The following USP47 variants were observed in gnomAD, a reference collection of about 807,000 sequenced individuals.
USP47 encodes ubiquitin specific peptidase 47.
A neutral mutation model predicts 165.1 loss-of-function variants in USP47; 35 were observed. The ratio of observed to expected loss-of-function variants is 0.21; its 90% CI spans 0.16 to 0.28. USP47 has a LOEUF of 0.28. USP47 is among the 10% of genes least tolerant of loss of function. The pLI, the probability that USP47 is intolerant of heterozygous loss-of-function variation, is 1.00. For synonymous variants in USP47, 531 were observed against 544.5 expected (o/e 0.98, Z 0.35); for missense variants, 1,277 against 1,607.4 (o/e 0.79, Z 3.52).
At chr11:11,911,917 A>T (rs933492955) in intron 8 of USP47, among the ~76,000 whole-genome samples, 4 of 152,114 alleles carry the variant, frequency 2.6e-5, no homozygotes, top group African/African-American at 9.7e-5. Context: ...CAACAGTGGA[A>T]TCAGATTAGC....
chr11:11,946,673 A>G (rs926526579), intron 20 of USP47, among the ~76,000 whole-genome samples: 19 of 152,336 alleles, frequency 1.2e-4, no homozygotes, highest in Non-Finnish European at 2.5e-4. Flanking sequence ...GTTGGATAGC[A>G]TAGACAGAAG....
At chr11:11,954,088 A>G (rs1856401577) in intron 25 of USP47, among the ~76,000 whole-genome samples, 2 of 151,962 alleles carry the variant, frequency 1.3e-5, no homozygotes, top group South Asian at 4.1e-4. Context: ...TGTGTCTACT[A>G]AAAATACAAA....
intron 10 of USP47, among the ~76,000 whole-genome samples, chr11:11,921,769 A>T (rs552550463): frequency 1.3e-5 from 2 of 151,898 alleles, no homozygotes; most frequent in South Asian, 4.1e-4. Context: ...GAAACTTCCT[A>T]GAGAATTCTA....
intron 10 of USP47, among the ~76,000 whole-genome samples, chr11:11,922,495 T>A (rs1174085219): frequency 6.6e-6 from 1 of 151,968 alleles, no homozygotes; most frequent in African/African-American, 2.4e-5. Flanking sequence ...ACTAATTTGT[T>A]GTATTAGAAT....
rs556014632 is a variant in USP47 at position 11,876,183 on chromosome 11, G to GT, written c.40-3989dup. ...ATAGCGCATCTAAACTACATTAAAT[G>GT]TTTTTCTAAATGGAACATGCTGTAG... On this transcript the variant is annotated intron_variant, in intron 1 of 27. Transcript: ENST00000527733. 8.5e-5 allele frequency among the ~76,000 whole-genome samples: 13 copies of GT among 152,210 alleles called. No homozygotes were observed. The South Asian group carries it at 2.1e-3, about 24-fold the overall frequency.
chr11:11,866,266 A>G (rs1054206361), intron 1 of USP47, among the ~76,000 whole-genome samples: 4 of 152,184 alleles, frequency 2.6e-5, no homozygotes, highest in African/African-American at 9.7e-5. Context: ...CTGAGTAACA[A>G]TTTTACTATT....
chr11:11,872,398 A>T (rs1394765733), intron 1 of USP47, among the ~76,000 whole-genome samples: 2 of 152,202 alleles, frequency 1.3e-5, no homozygotes, highest in Non-Finnish European at 2.9e-5. Flanking sequence ...TCTGGTCTAT[A>T]TTAAAGGGGA....
intron 2 of USP47, 64 bp downstream of exon 2, chr11:11,880,444 GATA>G: frequency 8.5e-7 from 1 of 1,181,490 alleles, no homozygotes; most frequent in Non-Finnish European, 1.1e-6. Flanking sequence ...TGTTACTGAT[GATA>G]ATGTTAAATC....
chr11:11,903,693 A>T (rs1307386488), intron 7 of USP47, among the ~76,000 whole-genome samples: 1 of 152,174 alleles, frequency 6.6e-6, no homozygotes, highest in Non-Finnish European at 1.5e-5. Context: ...TATGTTTTGT[A>T]ATCTGTAACA....
At chr11:11,842,266 G>C (rs1426605192) in intron 1 of USP47, 42 bp downstream of exon 1, 1 of 1,546,112 alleles carries the variant, frequency 6.5e-7, no homozygotes, top group Non-Finnish European at 8.7e-7. Context: ...GCCTGCGGCC[G>C]CTCGAGGCAA....
rs773992283 is a variant in USP47 at position 11,955,984 on chromosome 11, T to C, written c.3894-17T>C. 17 of 1,533,052 alleles carry C rather than the reference T, an allele frequency of 1.1e-5. No homozygotes were observed. Among genetic ancestry groups the C allele is most frequent in the Non-Finnish European group, 1.4e-5 (16 of 1,145,096 alleles). The allele number at this position is 1,533,052 out of a possible 1,614,324, so 95.0% of individuals were successfully genotyped here. A position where few individuals can be genotyped will look rare whatever the true frequency, so the allele number is the denominator to read the frequency against. ...GGGCTCTACTGGACTAATATGTGATTAATATTTTATATGTAGGGATAAAAC... is the reference window on the plus strand; with the variant it reads ...GGGCTCTACTGGACTAATATGTGATCAATATTTTATATGTAGGGATAAAAC... On this transcript the variant is annotated splice_polypyrimidine_tract_variant and intron_variant, in intron 27 of 27. Coordinates refer to ENST00000527733, the MANE Select transcript of USP47 (RefSeq NM_001282659.2).
At chr11:11,899,725 A>G (rs1852075510) in intron 5 of USP47, among the ~76,000 whole-genome samples, 1 of 152,128 alleles carries the variant, frequency 6.6e-6, no homozygotes, top group Admixed American at 6.5e-5. Flanking sequence ...GAAACTAGAA[A>G]TCCGTTGTGA....
intron 4 of USP47, among the ~76,000 whole-genome samples, chr11:11,895,004 A>G (rs80155939): frequency 0.026 from 4,023 of 152,174 alleles, 184 homozygotes; most frequent in African/African-American, 0.09. Flanking sequence ...GTATTTTTTA[A>G]TGTTATTAAA....
chr11:11,953,746 AT>A (rs1381522392), intron 25 of USP47, among the ~76,000 whole-genome samples: 1 of 152,366 alleles, frequency 6.6e-6, no homozygotes, highest in East Asian at 1.9e-4. Flanking sequence ...AGAAAAAGAA[AT>A]ACAAATTAAA....
At chr11:11,904,037 C>T (rs904369945) in intron 7 of USP47, among the ~76,000 whole-genome samples, 1 of 151,996 alleles carries the variant, frequency 6.6e-6, no homozygotes, top group African/African-American at 2.4e-5. Flanking sequence ...AATCTATTCA[C>T]GGGTTATAAA....
chr11:11,933,878 T>C lies in USP47; in HGVS notation c.1812T>C (p.Asn604=). 6.2e-7 allele frequency: 1 copy of C among 1,610,082 alleles called. No homozygotes were observed. The highest frequency in any genetic ancestry group is 8.5e-7 in the Non-Finnish European group (1 of 1,177,422). Residue 604 remains asparagine, a synonymous_variant, in exon 16 of 28, where the codon AAT becomes AAC. Coordinates refer to ENST00000527733, the MANE Select transcript of USP47 (RefSeq NM_001282659.2). The part of the protein sequence containing the change: ...LHPTKQVMME[N]KLEVHKDKTL... ...CTACAAAACAAGTAATGATGGAAAA[T>C]AAATTGGAGGTTCATAAGGATAAGA...
Position 11,920,444 on chromosome 11 carries a change from A to T in USP47, c.1168A>T (p.Thr390Ser). 5 of 1,611,310 alleles carry T rather than the reference A, an allele frequency of 3.1e-6. No individual in the cohort carries two copies. The highest frequency in any genetic ancestry group is 2.2e-5 in the East Asian group (1 of 44,742). ...MHRIKLNDRMTFPEELDMSTF... is the reference protein window; with the variant it reads ...MHRIKLNDRMSFPEELDMSTF... ...TAGGATTAAACTGAATGATCGAATG[A>T]CATTTCCCGAGGAACTAGATATGAG... Residue 390 changes from threonine to serine, a missense_variant, in exon 10 of 28, where the codon ACA becomes TCA. Thr to Ser is a moderately conservative substitution (Grantham distance 58). Transcript: ENST00000527733.
At chr11:11,906,106 G>A (rs1009994246) in intron 8 of USP47, among the ~76,000 whole-genome samples, 11 of 152,150 alleles carry the variant, frequency 7.2e-5, no homozygotes, top group African/African-American at 2.6e-4. Context: ...TATCTGATTG[G>A]AGGATTAGCT....
rs1457927207 is a variant in USP47, at chr11:11,957,691, CTT to C, written c.*1518_*1519del. On this transcript the variant is annotated 3_prime_UTR_variant, in exon 28 of 28. Transcript: ENST00000527733. Reference sequence around the variant, plus strand: ...AATGAAAAGCTGTGTTAATATCTAACTTTGGGGAACCCTGTCAGTATTTCAGA... The same window carrying C: ...AATGAAAAGCTGTGTTAATATCTAACTGGGGAACCCTGTCAGTATTTCAGA... 6.6e-6 allele frequency: 1 copy of C among 152,228 alleles called. No individual in the cohort carries two copies. The highest frequency in any genetic ancestry group is 1.5e-5 in the Non-Finnish European group (1 of 67,964). The allele number at this position is 152,228 out of a possible 1,614,324, so 9.4% of individuals were successfully genotyped here. A position where few individuals can be genotyped will look rare whatever the true frequency, so the allele number is the denominator to read the frequency against.
Sources: gnomAD v4.1 joint callset for allele counts (sites outside exome capture counted in the v4.1 genomes callset) on GRCh38, gnomAD v4.1.1 for gene constraint, MANE v1.5 for transcripts, NCBI Gene and HGNC (gene_info 2026-07-23, HGNC 2026-07-21) for gene names.